The following CNTNAP2 variants were observed in gnomAD, a reference collection of about 807,000 sequenced individuals.
CNTNAP2 encodes the protein contactin associated protein 2.
In CNTNAP2, 98 loss-of-function variants were observed where a neutral mutation model predicts 155.2. That is an observed-to-expected ratio of 0.63 (90% CI 0.54 to 0.75). The LOEUF (loss-of-function observed/expected upper bound fraction) is 0.75, where lower values mean the gene tolerates loss of function less well. Among genes scored for constraint, CNTNAP2 ranks in the 30% least tolerant of loss-of-function variants. The pLI, the probability that CNTNAP2 is intolerant of heterozygous loss-of-function variation, is 0.00. For missense variants in CNTNAP2, 1,727 were observed against 1,688.1 expected, an observed-to-expected ratio of 1.02 and a Z score of -0.40; for synonymous variants, 651 against 631.2, an observed-to-expected ratio of 1.03 and a Z score of -0.47.
chr7:146,513,794 ATGT>A (rs1412658425), intron 1 of CNTNAP2, among the ~76,000 whole-genome samples: 13 of 152,034 alleles, frequency 8.6e-5, no homozygotes, highest in Middle Eastern at 3.4e-3. Context: ...ATACATTAAG[ATGT>A]TGTTTAACTG....
At chr7:146,912,411 A>C (rs896910199) in intron 3 of CNTNAP2, among the ~76,000 whole-genome samples, 3 of 152,020 alleles carry the variant, frequency 2.0e-5, no homozygotes, top group African/African-American at 4.8e-5. Flanking sequence ...GGAAAATTAC[A>C]TTTTTTATCC....
chr7:147,375,722 A>C (rs1271880551), intron 9 of CNTNAP2, among the ~76,000 whole-genome samples: 1 of 151,794 alleles, frequency 6.6e-6, no homozygotes, highest in African/African-American at 2.4e-5. Flanking sequence ...TTCCATTTTC[A>C]CTTCTCATGG....
rs538455914 is a variant in CNTNAP2 at position 146,704,754 on chromosome 7, C to T, written c.98-69517C>T. Among the ~76,000 whole-genome samples, 9 of 152,168 alleles carry T rather than the reference C, an allele frequency of 5.9e-5. No individual in the cohort carries two copies. The South Asian group carries it at 6.2e-4, about 11-fold the overall frequency. On this transcript the variant is annotated intron_variant, in intron 1 of 23. Coordinates refer to ENST00000361727, the MANE Select transcript of CNTNAP2 (RefSeq NM_014141.6). ...GTCAGGTTGGCTTAAAAACTGAACA[C>T]GTGAAAAAATTCTAATTCTATATTA...
At chr7:146,928,434 T>C (rs546033730) in intron 3 of CNTNAP2, among the ~76,000 whole-genome samples, 74 of 152,302 alleles carry the variant, frequency 4.9e-4, no homozygotes, top group African/African-American at 1.8e-3. Flanking sequence ...ATGATAAAAT[T>C]TGTTCAATTC....
chr7:147,052,066 A>C (rs2129258935), intron 4 of CNTNAP2, among the ~76,000 whole-genome samples: 1 of 152,210 alleles, frequency 6.6e-6, no homozygotes, highest in Admixed American at 6.5e-5. Context: ...TAACCAAAAT[A>C]GCCTCTCCAT....
intron 1 of CNTNAP2, among the ~76,000 whole-genome samples, chr7:146,320,465 G>T (rs1448221280): frequency 6.6e-6 from 1 of 152,100 alleles, no homozygotes; most frequent in African/African-American, 2.4e-5. Flanking sequence ...AGAAGAAAAT[G>T]GCACCAGACT....
chr7:147,582,299 G>A (rs1800517252), intron 12 of CNTNAP2, among the ~76,000 whole-genome samples: 2 of 152,108 alleles, frequency 1.3e-5, no homozygotes, highest in Admixed American at 6.6e-5. Context: ...TTACTAAAAT[G>A]TAATCTCTGT....
intron 15 of CNTNAP2, among the ~76,000 whole-genome samples, chr7:147,981,786 G>GGT (rs57272792): frequency 0.052 from 7,458 of 143,694 alleles, 310 homozygotes; most frequent in African/African-American, 0.12. Flanking sequence ...TGTCCTTACA[G>GGT]GTGTGTGTGT....
chr7:148,313,369 G>C (rs1797630416), intron 21 of CNTNAP2, among the ~76,000 whole-genome samples: 1 of 151,892 alleles, frequency 6.6e-6, no homozygotes, highest in South Asian at 2.1e-4. Context: ...CCTTAGGCCA[G>C]AGTTCCAGGG....
At chr7:146,833,983 A>G (rs1023843640) in intron 2 of CNTNAP2, among the ~76,000 whole-genome samples, 3 of 152,186 alleles carry the variant, frequency 2.0e-5, no homozygotes, top group African/African-American at 7.2e-5. Context: ...GCCTGAACTC[A>G]TAATGCAATT....
intron 5 of CNTNAP2, among the ~76,000 whole-genome samples, chr7:147,116,550 G>C (rs1014957902): frequency 6.6e-6 from 1 of 152,174 alleles, no homozygotes; most frequent in South Asian, 2.1e-4. Flanking sequence ...AGAATGGATG[G>C]GGGGATGGGG....
rs778302247 is a variant in CNTNAP2, at chr7:148,377,070, G to A, written c.3476-6579G>A. Among the ~76,000 whole-genome samples, 5 of 67,194 alleles carry A rather than the reference G, an allele frequency of 7.4e-5. 2 individuals are homozygous for A. Among genetic ancestry groups the A allele is most frequent in the Non-Finnish European group, 1.3e-4 (3 of 23,990 alleles). 44.1% of individuals were successfully genotyped at this position (67,194 alleles called of 152,430 possible). A position where few individuals can be genotyped will look rare whatever the true frequency, so the allele number is the denominator to read the frequency against. ...TTTAGACTCCCGTTCATTCACCTAC[G>A]GCCAAATGGGACTAGAATGGAAAAA... On this transcript the variant is annotated intron_variant, in intron 21 of 23. Coordinates refer to ENST00000361727, the MANE Select transcript of CNTNAP2 (RefSeq NM_014141.6).
chr7:146,938,730 A>G (rs1796981088), intron 3 of CNTNAP2, among the ~76,000 whole-genome samples: 1 of 152,074 alleles, frequency 6.6e-6, no homozygotes, highest in African/African-American at 2.4e-5. Context: ...TATTCTGTAT[A>G]TTCCTTATTA....
At chr7:146,236,473 A>G (rs772501784) in intron 1 of CNTNAP2, among the ~76,000 whole-genome samples, 2 of 152,170 alleles carry the variant, frequency 1.3e-5, no homozygotes, top group Non-Finnish European at 2.9e-5. Context: ...TACCAGCCTG[A>G]AAGAGGAATG....
At chr7:146,251,363 T>C (rs1202358676) in intron 1 of CNTNAP2, among the ~76,000 whole-genome samples, 1 of 152,188 alleles carries the variant, frequency 6.6e-6, no homozygotes, top group African/African-American at 2.4e-5. Context: ...CACCTTGTTT[T>C]ATGTTTTATA....
chr7:147,860,802 A>G (rs1266469258), intron 13 of CNTNAP2, among the ~76,000 whole-genome samples: 5 of 152,148 alleles, frequency 3.3e-5, no homozygotes, highest in Non-Finnish European at 5.9e-5. Context: ...AAAATGCACT[A>G]ATACAATATT....
At chr7:146,644,593 C>T (rs1020630816) in intron 1 of CNTNAP2, among the ~76,000 whole-genome samples, 1 of 151,962 alleles carries the variant, frequency 6.6e-6, no homozygotes, top group Non-Finnish European at 1.5e-5. Flanking sequence ...CAATATTCAT[C>T]AAGGATATTG....
At chr7:147,432,351 C>T (rs1797479549) in intron 10 of CNTNAP2, among the ~76,000 whole-genome samples, 1 of 152,120 alleles carries the variant, frequency 6.6e-6, no homozygotes, top group African/African-American at 2.4e-5. Context: ...TCAGCCCTTA[C>T]TGAGAATCGC....
intron 13 of CNTNAP2, among the ~76,000 whole-genome samples, chr7:147,658,995 C>A (rs995631833): frequency 3.3e-5 from 5 of 152,150 alleles, no homozygotes; most frequent in South Asian, 4.1e-4. Context: ...CCCCCTCAAC[C>A]CAGCACTGAC....
Sources: allele counts gnomAD v4.1 joint callset (sites outside exome capture counted in the v4.1 genomes callset), GRCh38; gene constraint gnomAD v4.1.1; transcripts MANE v1.5; gene names NCBI Gene and HGNC (gene_info 2026-07-23, HGNC 2026-07-21).